Variants in NSUN7 observed in about 807,000 individuals in gnomAD.
NSUN7 encodes protein NSUN7.
In NSUN7, 39 loss-of-function variants were observed where a neutral mutation model predicts 58.5. The observed-to-expected ratio is 0.67, with a 90% CI of 0.52 to 0.87. The LOEUF (loss-of-function observed/expected upper bound fraction) is 0.87, where lower values mean the gene tolerates loss of function less well. Among genes scored for constraint, NSUN7 ranks in the 40% least tolerant of loss-of-function variants. The probability of loss-of-function intolerance (pLI) is 0.00; values close to 1 mark genes in which losing one functional copy is unlikely to be tolerated. For synonymous variants in NSUN7, 278 were observed against 303.7 expected, an observed-to-expected ratio of 0.92 and a Z score of 0.88; for missense variants, 765 against 844.1, an observed-to-expected ratio of 0.91 and a Z score of 1.16.
Position 40,780,195 on chromosome 4 carries a change from A to G in NSUN7, c.1036+3936A>G, listed in dbSNP as rs561998239. ...CTTGGTAGGCTGAGGCATGAGAATC[A>G]CTTGAACCCCAGACGCAGAGGTTGC... On this transcript the variant is annotated intron_variant, in intron 7 of 11. Coordinates refer to ENST00000381782, the MANE Select transcript of NSUN7 (RefSeq NM_024677.6). 3.3e-5 allele frequency among the ~76,000 whole-genome samples: 5 copies of G among 152,224 alleles called. 1 individual carries two copies. The highest frequency in any genetic ancestry group is 1.2e-4 in the African/African-American group (5 of 41,534).
At position 40,808,602 on chromosome 4, in the gene NSUN7, A is replaced by G. The variant is rs1743988282; in HGVS notation, c.1820A>G (p.Asn607Ser). The G allele has an allele frequency of 6.4e-7, 1 of 1,551,730 alleles. No homozygotes were observed. The highest frequency in any genetic ancestry group is 2.4e-5 in the East Asian group (1 of 40,924). The stretch of plus-strand genomic sequence containing the variant: ...GCTTCCTCACAGACCAGAAAACCCA[A>G]CAAGCTGGCCCCCCATCCTGCAGTG... ...VGASSQTRKP[N>S]KLAPHPAVPA... Residue 607 changes from asparagine (N) to serine (S), a missense_variant, in exon 12 of 12, where the codon AAC (asparagine) becomes AGC (serine). Coordinates refer to ENST00000381782, the MANE Select transcript of NSUN7 (RefSeq NM_024677.6).
chr4:40,771,813 A>G (rs1742026109), intron 4 of NSUN7, among the ~76,000 whole-genome samples: 1 of 150,810 alleles, frequency 6.6e-6, no homozygotes, highest in South Asian at 2.1e-4. Context: ...GGATGATGGT[A>G]AAAAAGATAA....
chr4:40,792,378 G>C (rs1743108947), intron 8 of NSUN7, among the ~76,000 whole-genome samples: 1 of 152,196 alleles, frequency 6.6e-6, no homozygotes, highest in Admixed American at 6.6e-5. Flanking sequence ...AATAAGGAAA[G>C]TGGGGAAAGG....
intron 7 of NSUN7, among the ~76,000 whole-genome samples, chr4:40,787,856 GA>G (rs1178069560): frequency 6.6e-6 from 1 of 152,088 alleles, no homozygotes; most frequent in African/African-American, 2.4e-5. Context: ...TTTTGAGACG[GA>G]GTCTTGCTCT....
intron 10 of NSUN7, among the ~76,000 whole-genome samples, chr4:40,803,890 A>G (rs955179133): frequency 6.6e-6 from 1 of 152,008 alleles, no homozygotes; most frequent in South Asian, 2.1e-4. Flanking sequence ...GGCAACATAG[A>G]GAGACCCCAT....
intron 10 of NSUN7, 94 bp from the exon 11 acceptor site, chr4:40,806,967 G>A: frequency 7.6e-7 from 1 of 1,311,370 alleles, no homozygotes; most frequent in South Asian, 1.4e-5. Flanking sequence ...GATTGGTAAA[G>A]TATACTAGAA....
intron 2 of NSUN7, among the ~76,000 whole-genome samples, chr4:40,753,627 A>T (rs1311463333): frequency 6.6e-6 from 1 of 152,190 alleles, no homozygotes; most frequent in Non-Finnish European, 1.5e-5. Flanking sequence ...GTTCGTTTTT[A>T]TAAGTTCAAA....
At chr4:40,789,591 T>C (rs1044254717) in intron 7 of NSUN7, among the ~76,000 whole-genome samples, 7 of 152,226 alleles carry the variant, frequency 4.6e-5, no homozygotes, top group Non-Finnish European at 8.8e-5. Flanking sequence ...AGGGGCTGCA[T>C]TGTACAGATG....
At chr4:40,760,334 A>C in intron 2 of NSUN7, 100 bp from the exon 3 acceptor site, 1 of 821,222 alleles carries the variant, frequency 1.2e-6, no homozygotes, top group South Asian at 1.5e-5. Context: ...TAGATATGAA[A>C]GTAAATGTAT....
intron 4 of NSUN7, among the ~76,000 whole-genome samples, chr4:40,763,488 G>A (rs1741556900): frequency 6.6e-6 from 1 of 152,100 alleles, no homozygotes; most frequent in Non-Finnish European, 1.5e-5. Context: ...CAGGATTTAG[G>A]GGACTTTCAT....
intron 4 of NSUN7, among the ~76,000 whole-genome samples, chr4:40,765,123 G>C (rs1426677203): frequency 7.3e-6 from 1 of 137,716 alleles, no homozygotes; most frequent in African/African-American, 2.7e-5. Context: ...TGTTGCCATT[G>C]CTTTTGGTGT....
chr4:40,780,286 C>A (rs1262105226), intron 7 of NSUN7, among the ~76,000 whole-genome samples: 3 of 151,754 alleles, frequency 2.0e-5, no homozygotes, highest in Non-Finnish European at 2.9e-5. Context: ...TCTCATAAAT[C>A]AATCAATCAA....
chr4:40,797,601 C>A (rs1743377116), intron 9 of NSUN7, among the ~76,000 whole-genome samples: 1 of 152,182 alleles, frequency 6.6e-6, no homozygotes, highest in Non-Finnish European at 1.5e-5. Context: ...GTTCTACATT[C>A]AACTTATATC....
At chr4:40,762,473 T>G (rs1741505775) in intron 4 of NSUN7, 1 of 152,226 alleles carries the variant, frequency 6.6e-6, no homozygotes, top group Non-Finnish European at 1.5e-5. Context: ...ACCAGAAGAT[T>G]CAGGTAATAG....
Position 40,774,913 on chromosome 4 carries a change from A to AT in NSUN7, c.789dup (p.Ile264TyrfsTer31). ...TCTCATCTTAAAAATGATCTTATAA[A>AT]TATAGATCTTTTCAAAGATTACAAA... On this transcript the variant is annotated frameshift_variant, in exon 6 of 12. Coordinates refer to ENST00000381782, the MANE Select transcript of NSUN7 (RefSeq NM_024677.6). LOFTEE classifies it high-confidence loss of function. The AT allele has an allele frequency of 8.1e-7, 1 of 1,229,116 alleles. No homozygotes were observed. Among genetic ancestry groups the AT allele is most frequent in the South Asian group, 1.3e-5 (1 of 79,022 alleles). The allele number at this position is 1,229,116 out of a possible 1,614,324, so 76.1% of individuals were successfully genotyped here. A position where few individuals can be genotyped will look rare whatever the true frequency, so the allele number is the denominator to read the frequency against.
At chr4:40,754,940 G>A (rs570371181) in intron 2 of NSUN7, among the ~76,000 whole-genome samples, 20 of 152,258 alleles carry the variant, frequency 1.3e-4, no homozygotes, top group East Asian at 3.9e-4. Flanking sequence ...AAAGCGCTCC[G>A]TAAAATGTTT....
At chr4:40,782,605 C>T (rs1042268173) in intron 7 of NSUN7, among the ~76,000 whole-genome samples, 4 of 151,510 alleles carry the variant, frequency 2.6e-5, no homozygotes, top group Non-Finnish European at 5.9e-5. Context: ...CAGTGGCTCA[C>T]ATCCGTAATC....
chr4:40,790,788 TTAAAA>T (rs764273624), intron 8 of NSUN7, 43 bp downstream of exon 8: 37 of 1,396,164 alleles, frequency 2.7e-5, no homozygotes. Context: ...AGTTGACAGT[TTAAAA>T]TATAAAATTA....
In NSUN7 at chr4:40,775,143, G is replaced by C. The variant is rs192354892; in HGVS notation, c.825+193G>C. Reference sequence around the variant, plus strand: ...CATCTGGTTGGCGTCTTTGTCTCATGTGAATTTATAAAGAACATATTCTTC... The same window carrying C: ...CATCTGGTTGGCGTCTTTGTCTCATCTGAATTTATAAAGAACATATTCTTC... On this transcript the variant is annotated intron_variant, in intron 6 of 11. Coordinates refer to ENST00000381782, the MANE Select transcript of NSUN7 (RefSeq NM_024677.6). The surrounding 1 kb of genome is among the most constrained non-coding windows in gnomAD (Gnocchi z 4.3). 85 of 298,198 alleles carry C rather than the reference G, an allele frequency of 2.9e-4. No individual in the cohort carries two copies. The highest frequency in any genetic ancestry group is 1.6e-3 in the African/African-American group (73 of 46,338). The allele number at this position is 298,198 out of a possible 1,614,324, so 18.5% of individuals were successfully genotyped here.
Sources: allele counts gnomAD v4.1 joint callset (sites outside exome capture counted in the v4.1 genomes callset), GRCh38; gene constraint gnomAD v4.1.1; non-coding constraint Gnocchi (gnomAD v3.1); transcripts MANE v1.5; gene names NCBI Gene and HGNC (gene_info 2026-07-23, HGNC 2026-07-21).